SGTB: variants seen among roughly 807,000 people sequenced by gnomAD.
SGTB encodes the protein small glutamine rich tetratricopeptide repeat co-chaperone beta.
Under a neutral mutation model 43.9 loss-of-function variants are expected in SGTB, and 19 were observed. The observed-to-expected ratio is 0.43, with a 90% CI of 0.30 to 0.63. The LOEUF (loss-of-function observed/expected upper bound fraction) is 0.63, where lower values mean the gene tolerates loss of function less well. Among genes scored for constraint, SGTB ranks in the 30% least tolerant of loss-of-function variants. The probability of loss-of-function intolerance (pLI) is 0.12; values close to 1 mark genes in which losing one functional copy is unlikely to be tolerated. For synonymous variants in SGTB, 116 were observed against 117.3 expected (o/e 0.99, Z 0.07); for missense variants, 304 against 358.9 (o/e 0.85, Z 1.24).
intron 5 of SGTB, among the ~76,000 whole-genome samples, chr5:65,693,612 G>A (rs1024138025): frequency 2.0e-5 from 3 of 151,964 alleles, no homozygotes; most frequent in Non-Finnish European, 2.9e-5. Flanking sequence ...ATCATTAGAA[G>A]TCATCAGGTA....
At chr5:65,679,225 C>G (rs1013605216) in intron 8 of SGTB, among the ~76,000 whole-genome samples, 1 of 152,124 alleles carries the variant, frequency 6.6e-6, no homozygotes, top group Non-Finnish European at 1.5e-5. Flanking sequence ...ATGTGGCCAA[C>G]AAACATATGA....
intron 5 of SGTB, among the ~76,000 whole-genome samples, chr5:65,695,321 G>T (rs1312416878): frequency 1.3e-5 from 2 of 152,196 alleles, no homozygotes; most frequent in Non-Finnish European, 2.9e-5. Flanking sequence ...TGGGTGTAAG[G>T]AAGGAGGGGG....
Position 65,674,643 on chromosome 5 carries a change from T to A in SGTB, c.682-2362A>T, listed in dbSNP as rs561439761. The stretch of plus-strand genomic sequence containing the variant: ...TTAATTTCCATCAACCTGGCCTTTT[T>A]TATGAGTCACAAAACATGTTTTTTA... On this transcript the variant is annotated intron_variant, in intron 8 of 10. Coordinates refer to ENST00000381007, the MANE Select transcript of SGTB (RefSeq NM_019072.3). 4.6e-5 allele frequency among the ~76,000 whole-genome samples: 7 copies of A among 152,350 alleles called. No individual in the cohort carries two copies. In the South Asian group the frequency reaches 1.4e-3, roughly 32 times the overall value.
At chr5:65,670,405 T>C (rs749848819) in intron 10 of SGTB, 48 bp from the exon 11 acceptor site, 1 of 1,483,684 alleles carries the variant, frequency 6.7e-7, no homozygotes, top group Non-Finnish European at 9.4e-7. Flanking sequence ...GCCAGTCACA[T>C]TTACCCACGC....
chr5:65,715,523 A>C (rs1030667478), intron 2 of SGTB, among the ~76,000 whole-genome samples: 2 of 152,270 alleles, frequency 1.3e-5, no homozygotes, highest in Admixed American at 1.3e-4. Context: ...AAACCAACTA[A>C]GGGAAATGCC....
chr5:65,715,535 G>A (rs954986700), intron 2 of SGTB, among the ~76,000 whole-genome samples: 3 of 152,200 alleles, frequency 2.0e-5, no homozygotes, highest in African/African-American at 7.2e-5. Context: ...GGAAATGCCC[G>A]AGACCATTGG....
At chr5:65,696,303 C>G (rs904195684) in intron 5 of SGTB, among the ~76,000 whole-genome samples, 15 of 152,218 alleles carry the variant, frequency 9.9e-5, no homozygotes, top group African/African-American at 3.6e-4. Context: ...AGTCATTCAA[C>G]TATCCATCCA....
At chr5:65,677,350 CA>C (rs779583231) in intron 8 of SGTB, among the ~76,000 whole-genome samples, 4,923 of 98,140 alleles carry the variant, frequency 0.05, 252 homozygotes, top group African/African-American at 0.16. Flanking sequence ...GCCTACCAAC[CA>C]AAAAAAAAAA....
chr5:65,721,739 A>G (rs116174442), intron 1 of SGTB, among the ~76,000 whole-genome samples, 178 bp downstream of exon 1: 2,431 of 152,278 alleles, frequency 0.016, 72 homozygotes, highest in African/African-American at 0.055. Flanking sequence ...AGGGGTGAGA[A>G]GAGGGAAATA....
intron 6 of SGTB, among the ~76,000 whole-genome samples, chr5:65,684,320 G>A (rs1757456673): frequency 2.0e-5 from 3 of 152,094 alleles, no homozygotes; most frequent in African/African-American, 7.2e-5. Context: ...CTGGGCTCAA[G>A]CATTTCTCCC....
At chr5:65,692,638 G>A (rs1249870175) in intron 5 of SGTB, among the ~76,000 whole-genome samples, 1 of 152,124 alleles carries the variant, frequency 6.6e-6, no homozygotes, top group East Asian at 1.9e-4. Flanking sequence ...ATACTTTTTA[G>A]ATTAAAAGAG....
intron 4 of SGTB, among the ~76,000 whole-genome samples, chr5:65,705,241 G>A (rs1021605121): frequency 5.9e-5 from 6 of 101,364 alleles, no homozygotes; most frequent in East Asian, 5.3e-4. Context: ...CCAGGAGTTC[G>A]AGTCCAGCCT....
At chr5:65,703,223 C>T (rs923582328) in intron 5 of SGTB, among the ~76,000 whole-genome samples, 6 of 152,184 alleles carry the variant, frequency 3.9e-5, no homozygotes, top group African/African-American at 1.4e-4. Flanking sequence ...GTATGTCTAT[C>T]TCCCTATTCA....
chr5:65,690,383 G>A (rs1205355848), intron 5 of SGTB, among the ~76,000 whole-genome samples: 1 of 152,142 alleles, frequency 6.6e-6, no homozygotes, highest in Non-Finnish European at 1.5e-5. Context: ...AGGCTGCAGT[G>A]AGCCATGTTC....
chr5:65,715,402 AG>A (rs1401235520), intron 2 of SGTB, among the ~76,000 whole-genome samples: 4 of 152,196 alleles, frequency 2.6e-5, no homozygotes, highest in African/African-American at 9.6e-5. Flanking sequence ...TTAATTCAAA[AG>A]TTTTCACATG....
intron 5 of SGTB, among the ~76,000 whole-genome samples, chr5:65,703,226 C>T (rs568267592): frequency 9.9e-5 from 15 of 152,206 alleles, no homozygotes; most frequent in African/African-American, 3.6e-4. Flanking sequence ...TGTCTATCTC[C>T]CTATTCAAAA....
rs528284499 is a variant in SGTB at position 65,703,188 on chromosome 5, T to C, written c.374+1091A>G. 1.2e-4 allele frequency among the ~76,000 whole-genome samples: 19 copies of C among 152,328 alleles called. No individual in the cohort carries two copies. In the South Asian group the frequency reaches 3.7e-3, roughly 30 times the overall value. On this transcript the variant is annotated intron_variant, in intron 5 of 10. Transcript: ENST00000381007. Reference sequence around the variant, plus strand: ...TGGAAGCAACCTCCATGTCCACCAGTAGGTCAATAGGTAAGTAAACTAAGG... The same window carrying C: ...TGGAAGCAACCTCCATGTCCACCAGCAGGTCAATAGGTAAGTAAACTAAGG...
intron 6 of SGTB, among the ~76,000 whole-genome samples, chr5:65,684,172 C>T (rs1359487424): frequency 6.6e-6 from 1 of 151,808 alleles, no homozygotes; most frequent in African/African-American, 2.4e-5. Context: ...ACAGCCTCGA[C>T]TTCCCAGACT....
At chr5:65,712,488 A>C (rs1758062726) in intron 3 of SGTB, among the ~76,000 whole-genome samples, 1 of 152,232 alleles carries the variant, frequency 6.6e-6, no homozygotes, top group Admixed American at 6.5e-5. Flanking sequence ...CCCTGTTTTA[A>C]GGAGCCCCAT....
Sources: allele counts gnomAD v4.1 joint callset (sites outside exome capture counted in the v4.1 genomes callset), GRCh38; gene constraint gnomAD v4.1.1; transcripts MANE v1.5; gene names NCBI Gene and HGNC (gene_info 2026-07-23, HGNC 2026-07-21).